The following KCNH7 variants were observed in gnomAD, a reference collection of about 807,000 sequenced individuals.
KCNH7 encodes voltage-gated inwardly rectifying potassium channel KCNH7.
In KCNH7, 49 loss-of-function variants were observed where a neutral mutation model predicts 120.8. The observed-to-expected ratio is 0.41, with a 90% CI of 0.32 to 0.51. The LOEUF is 0.51. Among genes scored for constraint, KCNH7 ranks in the 20% least tolerant of loss-of-function variants. The pLI is 0.38. For missense variants in KCNH7, 1,097 were observed against 1,446.6 expected, an observed-to-expected ratio of 0.76 and a Z score of 3.92; for synonymous variants, 547 against 516.1, an observed-to-expected ratio of 1.06 and a Z score of -0.81.
rs2105402032 is a variant in KCNH7 at position 162,379,839 on chromosome 2, A to G, written c.3131+14T>C. The stretch of plus-strand genomic sequence containing the variant: ...GTTGGGTTATGTTCTCCTTTTGCCC[A>G]TCACTGCTTATACCTGTTAAGTTGC... On this transcript the variant is annotated intron_variant, in intron 14 of 15. Transcript: ENST00000332142. The G allele has an allele frequency of 6.2e-7, 1 of 1,613,074 alleles. No individual in the cohort carries two copies. The highest frequency in any genetic ancestry group is 8.5e-7 in the Non-Finnish European group (1 of 1,179,388).
chr2:162,604,206 T>C (rs1242214708), intron 2 of KCNH7, among the ~76,000 whole-genome samples: 1 of 152,116 alleles, frequency 6.6e-6, no homozygotes, highest in Non-Finnish European at 1.5e-5. Context: ...AATAAAATTG[T>C]TGCTTACACA....
At chr2:162,693,549 A>C (rs914762022) in intron 2 of KCNH7, among the ~76,000 whole-genome samples, 1 of 152,176 alleles carries the variant, frequency 6.6e-6, no homozygotes, top group Non-Finnish European at 1.5e-5. Context: ...GTGAAAGGTT[A>C]TTTTCAATGT....
intron 2 of KCNH7, among the ~76,000 whole-genome samples, chr2:162,622,382 TG>T (rs1188992716): frequency 1.3e-5 from 2 of 152,250 alleles, no homozygotes; most frequent in African/African-American, 4.8e-5. Context: ...ATGGTTTCTT[TG>T]GGTCTAACAT....
intron 2 of KCNH7, among the ~76,000 whole-genome samples, chr2:162,588,533 C>T (rs960886011): frequency 6.6e-6 from 1 of 151,960 alleles, no homozygotes; most frequent in Admixed American, 6.6e-5. Context: ...TCAAATTTGT[C>T]CCTCTTAATT....
chr2:162,375,347 C>G (rs2105390878), intron 14 of KCNH7, among the ~76,000 whole-genome samples: 1 of 152,220 alleles, frequency 6.6e-6, no homozygotes, highest in South Asian at 2.1e-4. Context: ...CATATAAATC[C>G]TTTGCCAAAC....
At chr2:162,590,658 A>G (rs933721842) in intron 2 of KCNH7, among the ~76,000 whole-genome samples, 1 of 152,138 alleles carries the variant, frequency 6.6e-6, no homozygotes, top group Admixed American at 6.5e-5. Context: ...TCCCTGGTCC[A>G]ATCTATCAGC....
At position 162,436,640 on chromosome 2, in the gene KCNH7, C is replaced by T. The variant is rs1045952194; in HGVS notation, c.1555-1043G>A. ...CCATAGTTACATGGTGTTTACCAAT[C>T]AATTATTGAGTTATTTTATCTGTTC... On this transcript the variant is annotated intron_variant, in intron 7 of 15. Coordinates refer to ENST00000332142, the MANE Select transcript of KCNH7 (RefSeq NM_033272.4). Among the ~76,000 whole-genome samples the T allele has an allele frequency of 7.3e-4, 111 of 152,174 alleles. 1 individual carries two copies. Among genetic ancestry groups the T allele is most frequent in the African/African-American group, 2.4e-3 (101 of 41,534 alleles).
At chr2:162,498,515 C>T (rs1289722170) in intron 6 of KCNH7, among the ~76,000 whole-genome samples, 2 of 151,356 alleles carry the variant, frequency 1.3e-5, no homozygotes, top group Admixed American at 6.6e-5. Context: ...GGGGTGTGCA[C>T]GTGTGTGTGG....
At chr2:162,569,958 T>C (rs1163975429) in intron 2 of KCNH7, among the ~76,000 whole-genome samples, 4 of 132,008 alleles carry the variant, frequency 3.0e-5, no homozygotes, top group African/African-American at 1.2e-4. Flanking sequence ...AAGTATGTGG[T>C]CAATTTTGGA....
At chr2:162,800,123 A>G (rs1272385217) in intron 2 of KCNH7, among the ~76,000 whole-genome samples, 1 of 151,756 alleles carries the variant, frequency 6.6e-6, no homozygotes, top group Non-Finnish European at 1.5e-5. Flanking sequence ...ATCATAGGGC[A>G]TCCACTGAGC....
At chr2:162,775,262 T>A (rs1175203592) in intron 2 of KCNH7, among the ~76,000 whole-genome samples, 1 of 152,224 alleles carries the variant, frequency 6.6e-6, no homozygotes, top group African/African-American at 2.4e-5. Context: ...AGTTTTAATT[T>A]GAACTATATT....
At chr2:162,461,670 G>A (rs1024784511) in intron 6 of KCNH7, among the ~76,000 whole-genome samples, 8 of 152,166 alleles carry the variant, frequency 5.3e-5, no homozygotes, top group Admixed American at 1.3e-4. Flanking sequence ...TTCATTGTTT[G>A]TGTACATCTC....
intron 2 of KCNH7, among the ~76,000 whole-genome samples, chr2:162,770,675 A>G (rs1213005475): frequency 7.2e-6 from 1 of 139,064 alleles, no homozygotes; most frequent in Non-Finnish European, 1.5e-5. Flanking sequence ...TTTGTTTTTC[A>G]TCTCATGAAT....
intron 2 of KCNH7, among the ~76,000 whole-genome samples, chr2:162,648,264 T>C (rs1276023901): frequency 1.3e-5 from 2 of 152,010 alleles, no homozygotes; most frequent in Admixed American, 1.3e-4. Flanking sequence ...CAAGCACATC[T>C]TCACATGGTG....
chr2:162,744,096 G>T (rs867833917), intron 2 of KCNH7, among the ~76,000 whole-genome samples: 1 of 152,022 alleles, frequency 6.6e-6, no homozygotes, highest in Non-Finnish European at 1.5e-5. Context: ...TAGGGAGGTA[G>T]AACAATTAAT....
chr2:162,506,252 T>C (rs182736987), intron 5 of KCNH7, among the ~76,000 whole-genome samples: 32 of 151,898 alleles, frequency 2.1e-4, no homozygotes, highest in African/African-American at 7.5e-4. Flanking sequence ...TAAGAGCCAA[T>C]AGTGGCAACA....
At chr2:162,750,007 T>G (rs967936437) in intron 2 of KCNH7, among the ~76,000 whole-genome samples, 2 of 152,148 alleles carry the variant, frequency 1.3e-5, no homozygotes, top group African/African-American at 4.8e-5. Context: ...ACATAAAACT[T>G]ACACTGGGGA....
intron 2 of KCNH7, among the ~76,000 whole-genome samples, chr2:162,719,939 C>T (rs962400837): frequency 6.6e-6 from 1 of 151,958 alleles, no homozygotes; most frequent in Non-Finnish European, 1.5e-5. Context: ...ATTTAAAATA[C>T]TAGGAGCTGT....
chr2:162,741,431 G>T (rs899415911), intron 2 of KCNH7, among the ~76,000 whole-genome samples: 1 of 151,486 alleles, frequency 6.6e-6, no homozygotes, highest in African/African-American at 2.4e-5. Context: ...GAGTTGTCAT[G>T]TATATTTTAC....
Sources: gnomAD v4.1 joint callset for allele counts (sites outside exome capture counted in the v4.1 genomes callset) on GRCh38, gnomAD v4.1.1 for gene constraint, MANE v1.5 for transcripts, NCBI Gene and HGNC (gene_info 2026-07-23, HGNC 2026-07-21) for gene names.